SMCHD1: variants seen among roughly 807,000 people sequenced by gnomAD.
SMCHD1 encodes structural maintenance of chromosomes flexible hinge domain-containing protein 1.
Under a neutral mutation model 254.7 loss-of-function variants are expected in SMCHD1, and 78 were observed. The ratio of observed to expected loss-of-function variants is 0.31; its 90% confidence interval spans 0.26 to 0.37. The LOEUF is 0.37. Ranked by LOEUF, SMCHD1 falls within the 10% of genes least tolerant of loss-of-function variation. SMCHD1 has a pLI of 1.00. For synonymous variants in SMCHD1, 766 were observed against 794.9 expected (o/e 0.96, Z 0.61); for missense variants, 1,840 against 2,408.1 (o/e 0.76, Z 4.94).
Position 2,769,763 on chromosome 18 carries a change from C to T in SMCHD1, c.4789C>T (p.Leu1597=), listed in dbSNP as rs2075941695. The change falls in exon 38 of 48, where the codon CTA becomes TTA. Residue 1597 remains leucine (L), a synonymous_variant. Coordinates refer to ENST00000320876, the MANE Select transcript of SMCHD1 (RefSeq NM_015295.3). ...ATATTTTATTGTATTTGAGCCCCGG[C>T]TACCACTTTTATCAAGAACCTTAGA... The part of the protein sequence containing the change: ...TEYFIVFEPR[L]PLLSRTLEPY... The T allele has an allele frequency of 6.2e-7, 1 of 1,604,234 alleles. No individual in the cohort carries two copies.
chr18:2,710,236 T>C (rs1443717746), intron 17 of SMCHD1, among the ~76,000 whole-genome samples: 1 of 152,214 alleles, frequency 6.6e-6, no homozygotes, highest in East Asian at 1.9e-4. Context: ...GGGCTCCCTG[T>C]TCCCTAGGTC....
At chr18:2,657,966 A>AT (rs1440057585) in intron 1 of SMCHD1, among the ~76,000 whole-genome samples, 1 of 146,280 alleles carries the variant, frequency 6.8e-6, no homozygotes, top group African/African-American at 2.5e-5. Context: ...TTTTTTTCGT[A>AT]TTTTTCGTAC....
intron 17 of SMCHD1, among the ~76,000 whole-genome samples, chr18:2,712,196 T>G (rs486279): frequency 9.2e-5 from 14 of 152,006 alleles, no homozygotes; most frequent in African/African-American, 3.1e-4. Flanking sequence ...TGCATCAATA[T>G]TCATAAGGGA....
intron 28 of SMCHD1, 125 bp downstream of exon 28, chr18:2,740,946 AG>A (rs1277500238): frequency 1.8e-6 from 1 of 571,064 alleles, no homozygotes; most frequent in Non-Finnish European, 3.1e-6. Flanking sequence ...AAGTCATAAA[AG>A]GCATTTTAAA....
intron 12 of SMCHD1, among the ~76,000 whole-genome samples, chr18:2,703,330 C>T (rs1394140458): frequency 6.6e-6 from 1 of 152,086 alleles, no homozygotes; most frequent in Non-Finnish European, 1.5e-5. Context: ...ATGTGGTTTA[C>T]AGTTAGAAGG....
chr18:2,739,352 T>C (rs2075306417), intron 26 of SMCHD1, 80 bp from the exon 27 acceptor site: 1 of 931,572 alleles, frequency 1.1e-6, no homozygotes, highest in African/African-American at 1.6e-5. Context: ...GAACATTATA[T>C]ATGTGTTATT....
At chr18:2,783,888 A>G (rs2076198052) in intron 44 of SMCHD1, among the ~76,000 whole-genome samples, 1 of 152,146 alleles carries the variant, frequency 6.6e-6, no homozygotes, top group Non-Finnish European at 1.5e-5. Flanking sequence ...TTTAATTCTT[A>G]ATTAACCCTT....
chr18:2,795,910 T>C (rs1194960778), intron 45 of SMCHD1, 39 bp from the exon 46 acceptor site: 5 of 1,527,026 alleles, frequency 3.3e-6, no homozygotes, highest in Non-Finnish European at 3.5e-6. Context: ...TTTGGTTTAA[T>C]AGCAGTAATT....
intron 30 of SMCHD1, among the ~76,000 whole-genome samples, chr18:2,748,342 T>TTGTG (rs1199860810): frequency 0.021 from 1,629 of 78,308 alleles, 64 homozygotes; most frequent in African/African-American, 0.039. Flanking sequence ...CTTTGCAAAG[T>TTGTG]TGTGTGTGTG....
At chr18:2,768,099 T>A (rs1400444939) in intron 37 of SMCHD1, among the ~76,000 whole-genome samples, 1 of 151,992 alleles carries the variant, frequency 6.6e-6, no homozygotes, top group East Asian at 1.9e-4. Flanking sequence ...TAGATACATA[T>A]AATTAAAGGA....
At chr18:2,707,461 A>G (rs2074544699) in intron 15 of SMCHD1, 102 bp from the exon 16 acceptor site, 2 of 650,416 alleles carry the variant, frequency 3.1e-6, no homozygotes, top group Middle Eastern at 2.8e-4. Context: ...CTTTTAAAAT[A>G]TATCAGCAAT....
At chr18:2,737,072 G>C (rs1252484912) in intron 25 of SMCHD1, among the ~76,000 whole-genome samples, 1 of 152,200 alleles carries the variant, frequency 6.6e-6, no homozygotes, top group African/African-American at 2.4e-5. Context: ...GTCCTTTGCA[G>C]CAACATGGAT....
At chr18:2,685,496 T>C (rs117953771) in intron 5 of SMCHD1, among the ~76,000 whole-genome samples, 2,726 of 152,312 alleles carry the variant, frequency 0.018, 41 homozygotes, top group Middle Eastern at 0.099. Context: ...AGTATATAAT[T>C]CCATGACATT....
intron 45 of SMCHD1, among the ~76,000 whole-genome samples, chr18:2,787,511 C>T (rs532722338): frequency 6.9e-6 from 1 of 145,210 alleles, no homozygotes; most frequent in South Asian, 2.3e-4. Context: ...CACATACAGT[C>T]TCTACAATGA....
chr18:2,794,370 C>T (rs1350878823), intron 45 of SMCHD1, among the ~76,000 whole-genome samples: 5 of 151,922 alleles, frequency 3.3e-5, no homozygotes, highest in East Asian at 1.9e-4. Context: ...GCCTGTAATC[C>T]GAGCTATTGC....
rs371280641 is a variant in SMCHD1, at chr18:2,752,512, A to G, written c.4306A>G (p.Ile1436Val). The G allele has an allele frequency of 5.4e-5, 86 of 1,601,092 alleles. No homozygotes were observed. Among genetic ancestry groups the G allele is most frequent in the Non-Finnish European group, 6.8e-5 (80 of 1,169,042 alleles). The part of the protein sequence containing the change: ...ANAETFSCNK[I>V]KDNDKEDGCF... ...GGCAGAAACATTTAGTTGTAATAAA[A>G]TAAAAGATAATGACAAAGAAGATGG... is the stretch of plus-strand genomic sequence containing the variant. Residue 1436 changes from isoleucine (I) to valine (V), a missense_variant, in exon 34 of 48, where the codon ATA becomes GTA. This residue lies in a region of SMCHD1 where 881 missense variants were observed against 1,009.5 expected (regional missense o/e 0.87). Coordinates refer to ENST00000320876, the MANE Select transcript of SMCHD1 (RefSeq NM_015295.3).
intron 25 of SMCHD1, among the ~76,000 whole-genome samples, chr18:2,733,252 C>G (rs923065941): frequency 1.3e-5 from 2 of 152,140 alleles, no homozygotes; most frequent in African/African-American, 4.8e-5. Flanking sequence ...AATAAAAAAT[C>G]ACAGGGCTTA....
At chr18:2,763,856 A>C (rs568491563) in intron 37 of SMCHD1, 67 bp downstream of exon 37, 1 of 1,426,874 alleles carries the variant, frequency 7.0e-7, no homozygotes, top group African/African-American at 1.5e-5. Flanking sequence ...CCATATTAAG[A>C]CACCTTTTCT....
chr18:2,767,550 C>T (rs1279830298), intron 37 of SMCHD1, among the ~76,000 whole-genome samples: 2 of 146,496 alleles, frequency 1.4e-5, no homozygotes, highest in Admixed American at 1.4e-4. Flanking sequence ...ATATAGCCTA[C>T]TATACACCTG....
Sources: allele counts gnomAD v4.1 joint callset (sites outside exome capture counted in the v4.1 genomes callset), GRCh38; gene constraint gnomAD v4.1.1; regional missense constraint gnomAD v4.1.1; transcripts MANE v1.5; gene names NCBI Gene and HGNC (gene_info 2026-07-23, HGNC 2026-07-21).